The following SELENOF variants were observed in gnomAD, a reference collection of about 807,000 sequenced individuals.
SELENOF encodes 15 kDa selenoprotein.
Under a neutral mutation model 20.5 loss-of-function variants are expected in SELENOF, and 16 were observed. The observed-to-expected ratio is 0.78, with a 90% CI of 0.53 to 1.19. The LOEUF is 1.19. Among genes scored for constraint, SELENOF ranks in the 50% most tolerant of loss-of-function variants. The pLI is 0.00. For missense variants in SELENOF, 215 were observed against 194.2 expected (o/e 1.11, Z -0.64); for synonymous variants, 78 against 74.5 (o/e 1.05, Z -0.24).
At chr1:86,888,027 G>A (rs747717598) in intron 2 of SELENOF, among the ~76,000 whole-genome samples, 32 of 152,076 alleles carry the variant, frequency 2.1e-4, no homozygotes, top group Admixed American at 3.3e-4. Context: ...TTGGGAGGCC[G>A]AGGTGGGCTG....
intron 2 of SELENOF, among the ~76,000 whole-genome samples, chr1:86,887,691 T>A (rs72945902): frequency 0.023 from 3,562 of 152,194 alleles, 71 homozygotes; most frequent in African/African-American, 0.049. Flanking sequence ...AAACAGGAGT[T>A]CTATATACAC....
intron 3 of SELENOF, among the ~76,000 whole-genome samples, chr1:86,877,336 T>C (rs1658948768): frequency 6.6e-6 from 1 of 152,202 alleles, no homozygotes; most frequent in African/African-American, 2.4e-5. Flanking sequence ...TGGATCAGTA[T>C]TCTTTCCAAC....
chr1:86,911,618 G>T (rs1362679607), intron 1 of SELENOF, among the ~76,000 whole-genome samples: 1 of 152,056 alleles, frequency 6.6e-6, no homozygotes, highest in Non-Finnish European at 1.5e-5. Context: ...ATAATGAGAT[G>T]GGAGACTAGT....
At chr1:86,914,390 A>T (rs1660085400), upstream of SELENOF, 5 of 493,912 alleles carry the variant, frequency 1.0e-5, no homozygotes, top group East Asian at 1.4e-4. Flanking sequence ...CCAAGAAGCC[A>T]CGCCTTCGCC....
Position 86,868,108 on chromosome 1 carries a change from A to C in SELENOF, c.317-6T>G, listed in dbSNP as rs777171508. The C allele has an allele frequency of 7.2e-7, 1 of 1,390,220 alleles. No homozygotes were observed. The highest frequency in any genetic ancestry group is 1.3e-5 in the South Asian group (1 of 74,188). The allele number at this position is 1,390,220 out of a possible 1,614,324, so 86.1% of individuals were successfully genotyped here. A position where few individuals can be genotyped will look rare whatever the true frequency, so the allele number is the denominator to read the frequency against. ...TTTATCACTCCTAACAAAAGCTTATAAAAAAAGAAAAAAAGATTCAGTAGT... is the reference window on the plus strand; with the variant it reads ...TTTATCACTCCTAACAAAAGCTTATCAAAAAAGAAAAAAAGATTCAGTAGT... On this transcript the variant is annotated splice_polypyrimidine_tract_variant and splice_region_variant and intron_variant, in intron 3 of 4. Transcript: ENST00000331835.
chr1:86,905,022 G>A (rs1334000235), intron 1 of SELENOF, among the ~76,000 whole-genome samples: 1 of 152,134 alleles, frequency 6.6e-6, no homozygotes, highest in Non-Finnish European at 1.5e-5. Flanking sequence ...TGTTGAATAT[G>A]CATTGCAAGT....
At chr1:86,885,575 C>G (rs1659191773) in intron 2 of SELENOF, among the ~76,000 whole-genome samples, 2 of 152,184 alleles carry the variant, frequency 1.3e-5, no homozygotes, top group Non-Finnish European at 2.9e-5. Flanking sequence ...GTCAGAAATA[C>G]TCTACTTTCC....
Position 86,880,670 on chromosome 1 carries a change from T to A in SELENOF, c.308A>T (p.Gln103Leu). 6.3e-7 allele frequency: 1 copy of A among 1,587,348 alleles called. No homozygotes were observed. The highest frequency in any genetic ancestry group is 8.6e-7 in the Non-Finnish European group (1 of 1,163,856). The change falls in exon 3 of 5, where the codon CAA becomes CTA. Residue 103 changes from glutamine to leucine, a missense_variant. By Grantham distance (113) the Gln-to-Leu change is moderately radical (BLOSUM62 -2). Transcript: ENST00000331835. ...VCGUKLGRFP[Q>L]VQAFVRSDKP... Reference sequence around the variant, plus strand: ...GAGTAAATTTTATATACCTTGGACTTGAGGGAACCTTCCCAATTTTCATCC... The same window carrying A: ...GAGTAAATTTTATATACCTTGGACTAGAGGGAACCTTCCCAATTTTCATCC...
intron 3 of SELENOF, among the ~76,000 whole-genome samples, chr1:86,879,605 C>T (rs895048460): frequency 3.9e-5 from 6 of 152,010 alleles, no homozygotes; most frequent in Non-Finnish European, 5.9e-5. Context: ...CAAGAAATCA[C>T]GGGAATGTCA....
At position 86,862,903 on chromosome 1, in the gene SELENOF, T is replaced by A. The variant is rs1238076760; in HGVS notation, c.*571A>T. On this transcript the variant is annotated 3_prime_UTR_variant, in exon 5 of 5. Transcript: ENST00000331835. ...ATCTTTGTGAATGTTTCACTCTTAC[T>A]GTAGGATCTTGAATATGTTTTACAA... 1 of 152,686 alleles carries A rather than the reference T, an allele frequency of 6.5e-6. No individual in the cohort carries two copies. The highest frequency in any genetic ancestry group is 1.5e-5 in the Non-Finnish European group (1 of 68,050). The allele number at this position is 152,686 out of a possible 1,614,324, so 9.5% of individuals were successfully genotyped here.
intron 2 of SELENOF, among the ~76,000 whole-genome samples, chr1:86,897,724 C>T (rs1246670308): frequency 6.6e-6 from 1 of 152,140 alleles, no homozygotes; most frequent in Non-Finnish European, 1.5e-5. Flanking sequence ...GGACAAACAA[C>T]AATCCTTGTC....
intron 1 of SELENOF, among the ~76,000 whole-genome samples, chr1:86,913,372 AAT>A (rs1660039143): frequency 6.7e-6 from 1 of 149,670 alleles, no homozygotes; most frequent in African/African-American, 2.5e-5. Context: ...CTATTCTGCC[AAT>A]AGAGAAAAAT....
chr1:86,908,213 T>G (rs1280224667), intron 1 of SELENOF, among the ~76,000 whole-genome samples: 1 of 152,190 alleles, frequency 6.6e-6, no homozygotes, highest in African/African-American at 2.4e-5. Flanking sequence ...CTTTATAACT[T>G]TCAGGAAACT....
intron 2 of SELENOF, among the ~76,000 whole-genome samples, chr1:86,896,273 G>A (rs1321986496): frequency 6.6e-6 from 1 of 151,248 alleles, no homozygotes; most frequent in East Asian, 1.9e-4. Context: ...GGGGAGGGGC[G>A]GATATAGTTA....
At chr1:86,900,367 C>G (rs911586099) in intron 2 of SELENOF, among the ~76,000 whole-genome samples, 3 of 152,244 alleles carry the variant, frequency 2.0e-5, no homozygotes, top group Non-Finnish European at 4.4e-5. Context: ...TGGCGGATCA[C>G]TCGCGGTTAG....
At chr1:86,891,414 A>G (rs547709598) in intron 2 of SELENOF, among the ~76,000 whole-genome samples, 43 of 152,118 alleles carry the variant, frequency 2.8e-4, no homozygotes, top group Non-Finnish European at 5.3e-4. Flanking sequence ...TTAACCCAGG[A>G]AGAAATATTT....
At chr1:86,889,700 CT>C (rs1557463522) in intron 2 of SELENOF, among the ~76,000 whole-genome samples, 7 of 152,166 alleles carry the variant, frequency 4.6e-5, no homozygotes, top group Non-Finnish European at 1.0e-4. Flanking sequence ...CCATTATTGC[CT>C]TAATGGGCCA....
intron 2 of SELENOF, among the ~76,000 whole-genome samples, chr1:86,883,122 T>A (rs1659119647): frequency 7.3e-6 from 1 of 136,150 alleles, no homozygotes; most frequent in African/African-American, 3.0e-5. Context: ...GCGAGACTTG[T>A]CTCAAAAAAA....
chr1:86,895,292 A>G (rs1659493034), intron 2 of SELENOF, among the ~76,000 whole-genome samples: 1 of 152,170 alleles, frequency 6.6e-6, no homozygotes, highest in Non-Finnish European at 1.5e-5. Context: ...GTCAATAGCA[A>G]TTATTATCAT....
Sources: allele counts gnomAD v4.1 joint callset (sites outside exome capture counted in the v4.1 genomes callset), GRCh38; gene constraint gnomAD v4.1.1; transcripts MANE v1.5; gene names NCBI Gene and HGNC (gene_info 2026-07-23, HGNC 2026-07-21).